Variants in CRISPLD2 observed in about 807,000 individuals in gnomAD.
CRISPLD2 encodes the protein cysteine-rich secretory protein LCCL domain-containing 2.
In CRISPLD2, 47 loss-of-function variants were observed where a neutral mutation model predicts 71.1. The observed-to-expected ratio is 0.66, with a 90% CI of 0.52 to 0.84. CRISPLD2 has a LOEUF of 0.84. Ranked by LOEUF, CRISPLD2 falls within the 40% of genes least tolerant of loss-of-function variation. CRISPLD2 has a pLI of 0.00. For synonymous variants in CRISPLD2, 317 were observed against 250.1 expected (o/e 1.27, Z -2.52); for missense variants, 830 against 651.1 (o/e 1.27, Z -2.99).
intron 14 of CRISPLD2, among the ~76,000 whole-genome samples, chr16:84,899,491 A>G (rs1597487014): frequency 6.6e-6 from 1 of 152,204 alleles, no homozygotes; most frequent in Non-Finnish European, 1.5e-5. Flanking sequence ...TGCTTGAGGC[A>G]TGAACAACTG....
intron 2 of CRISPLD2, chr16:84,838,974 A>T: frequency 3.0e-6 from 2 of 663,100 alleles, no homozygotes; most frequent in Non-Finnish European, 2.7e-6. Flanking sequence ...CTGAAACCTT[A>T]GACTCCCGGG....
chr16:84,848,240 G>C (rs1429811570), intron 3 of CRISPLD2, among the ~76,000 whole-genome samples: 1 of 152,188 alleles, frequency 6.6e-6, no homozygotes, highest in Non-Finnish European at 1.5e-5. Flanking sequence ...CCTCCTCACT[G>C]TGTGCACGCC....
intron 14 of CRISPLD2, among the ~76,000 whole-genome samples, chr16:84,889,768 G>T (rs919525283): frequency 6.6e-6 from 1 of 151,456 alleles, no homozygotes; most frequent in African/African-American, 2.4e-5. Flanking sequence ...GTGTGTGTGT[G>T]TGTGTGTGTG....
intron 11 of CRISPLD2, among the ~76,000 whole-genome samples, chr16:84,875,593 G>C (rs1430771093): frequency 6.6e-6 from 1 of 151,122 alleles, no homozygotes; most frequent in African/African-American, 2.4e-5. Flanking sequence ...GTCTCTCTCT[G>C]TCGCCCAGCC....
intron 14 of CRISPLD2, among the ~76,000 whole-genome samples, chr16:84,891,966 T>C (rs1238199444): frequency 2.0e-5 from 3 of 152,228 alleles, no homozygotes; most frequent in Non-Finnish European, 4.4e-5. Flanking sequence ...TAGAAAGATT[T>C]TAGTGATTTT....
Position 84,877,520 on chromosome 16 carries a change from G to A in CRISPLD2, c.1229+10G>A, listed in dbSNP as rs774599927. The A allele has an allele frequency of 6.2e-7, 1 of 1,613,346 alleles. No homozygotes were observed. Among genetic ancestry groups the A allele is most frequent in the South Asian group, 1.1e-5 (1 of 91,072 alleles). ...CAACTCACTGCCCAAGGTAAGGCGG[G>A]CCTGATCTGTCATCTTTTCTATGGA... On this transcript the variant is annotated intron_variant, in intron 12 of 14. Coordinates refer to ENST00000262424, the MANE Select transcript of CRISPLD2 (RefSeq NM_031476.4).
At chr16:84,881,550 C>T (rs967163955) in intron 13 of CRISPLD2, among the ~76,000 whole-genome samples, 2 of 152,118 alleles carry the variant, frequency 1.3e-5, no homozygotes, top group Non-Finnish European at 2.9e-5. Flanking sequence ...GCGGAACGGC[C>T]CAGAACCGGG....
At chr16:84,866,688 A>G (rs1917546477) in intron 6 of CRISPLD2, among the ~76,000 whole-genome samples, 1 of 152,188 alleles carries the variant, frequency 6.6e-6, no homozygotes, top group Non-Finnish European at 1.5e-5. Context: ...AAACACAGTG[A>G]GCGGAGAGCG....
chr16:84,855,783 C>T (rs1356803707), intron 6 of CRISPLD2, among the ~76,000 whole-genome samples: 1 of 152,190 alleles, frequency 6.6e-6, no homozygotes, highest in Non-Finnish European at 1.5e-5. Flanking sequence ...ATCATAATTA[C>T]ACTAACATAA....
intron 8 of CRISPLD2, 30 bp downstream of exon 8, chr16:84,868,941 G>A: frequency 6.6e-7 from 1 of 1,516,818 alleles, no homozygotes; most frequent in Non-Finnish European, 9.0e-7. Context: ...TCCTGCCACT[G>A]TAGCCTCTGA....
intron 3 of CRISPLD2, 39 bp downstream of exon 3, chr16:84,845,943 C>A: frequency 7.3e-7 from 1 of 1,378,396 alleles, no homozygotes; most frequent in Non-Finnish European, 1.0e-6. Context: ...CCGCAGGACC[C>A]CACTGCCGTG....
At chr16:84,868,790 A>T (rs1567695046) in intron 7 of CRISPLD2, 61 bp from the exon 8 acceptor site, 6 of 1,308,464 alleles carry the variant, frequency 4.6e-6, no homozygotes, top group East Asian at 2.3e-5. Flanking sequence ...CAGCATGGGG[A>T]AGGGTCTTCT....
chr16:84,869,010 G>A, intron 8 of CRISPLD2, 99 bp downstream of exon 8: 1 of 1,062,344 alleles, frequency 9.4e-7, no homozygotes, highest in Admixed American at 2.7e-5. Context: ...CTGTCCTGCT[G>A]TTGCATATTT....
intron 6 of CRISPLD2, among the ~76,000 whole-genome samples, chr16:84,858,932 T>G (rs1917312342): frequency 6.6e-6 from 1 of 152,246 alleles, no homozygotes; most frequent in Non-Finnish European, 1.5e-5. Context: ...GATAATCCAC[T>G]GTCATTCTCC....
intron 14 of CRISPLD2, among the ~76,000 whole-genome samples, chr16:84,899,290 C>T (rs2071732733): frequency 6.6e-6 from 1 of 152,000 alleles, no homozygotes; most frequent in Non-Finnish European, 1.5e-5. Flanking sequence ...TGAAAATTAC[C>T]CAGAAATACT....
chr16:84,867,298 A>C (rs1457614542), intron 7 of CRISPLD2, among the ~76,000 whole-genome samples: 1 of 152,234 alleles, frequency 6.6e-6, no homozygotes, highest in East Asian at 1.9e-4. Flanking sequence ...TTTTAAGGTT[A>C]GACCTTCCCT....
At chr16:84,839,126 A>T in intron 2 of CRISPLD2, 1 of 365,378 alleles carries the variant, frequency 2.7e-6, no homozygotes, top group South Asian at 2.1e-5. Flanking sequence ...GGCTCAAGCA[A>T]TCCTCCTGCC....
Position 84,906,659 on chromosome 16 carries a change from G to T in CRISPLD2, c.*17G>T, listed in dbSNP as rs749460169. The T allele has an allele frequency of 1.9e-6, 3 of 1,614,114 alleles. No homozygotes were observed. In the South Asian group the frequency reaches 3.3e-5, roughly 18 times the overall value. On this transcript the variant is annotated 3_prime_UTR_variant, in exon 15 of 15. Coordinates refer to ENST00000262424, the MANE Select transcript of CRISPLD2 (RefSeq NM_031476.4). ...AGGCAGTGAATTTCCAGCACCAGGG[G>T]AGAAGGGGCGTCTTCAGGAGGGCTT...
intron 2 of CRISPLD2, among the ~76,000 whole-genome samples, chr16:84,844,930 G>T (rs74033573): frequency 0.029 from 4,467 of 152,254 alleles, 212 homozygotes; most frequent in African/African-American, 0.1. Context: ...TACAGATGAG[G>T]ACAGTGAGGC....
Sources: gnomAD v4.1 joint callset for allele counts (sites outside exome capture counted in the v4.1 genomes callset) on GRCh38, gnomAD v4.1.1 for gene constraint, MANE v1.5 for transcripts, NCBI Gene and HGNC (gene_info 2026-07-23, HGNC 2026-07-21) for gene names.